Variants in SNX1 observed in about 807,000 individuals in gnomAD.
SNX1 encodes sorting nexin 1, also known as sorting nexin-1.
A neutral mutation model predicts 71.8 loss-of-function variants in SNX1; 36 were observed. That is an observed-to-expected ratio of 0.50 (90% CI 0.38 to 0.66). SNX1 has a LOEUF of 0.66. SNX1 is among the 30% of genes least tolerant of loss of function. The pLI, the probability that SNX1 is intolerant of heterozygous loss-of-function variation, is 0.00. For synonymous variants in SNX1, 254 were observed against 240.7 expected (o/e 1.06, Z -0.51); for missense variants, 612 against 646.7 (o/e 0.95, Z 0.58).
intron 7 of SNX1, 45 bp from the exon 8 acceptor site, chr15:64,127,686 C>A: frequency 6.8e-7 from 1 of 1,465,136 alleles, no homozygotes. Flanking sequence ...CCAGAACCTT[C>A]TGAGGCCAGC....
Position 64,134,908 on chromosome 15 carries a change from C to G in SNX1, c.1365+101C>G. 6.8e-7 allele frequency: 1 copy of G among 1,465,440 alleles called. No homozygotes were observed. The highest frequency in any genetic ancestry group is 9.2e-7 in the Non-Finnish European group (1 of 1,085,722). 90.8% of individuals were successfully genotyped at this position (1,465,440 alleles called of 1,614,324 possible). ...GTTTGGAACCCCACAGGGGGAAGAG[C>G]GCTGATTGAGTCTAAAGGGCCGTGG... On this transcript the variant is annotated intron_variant, in intron 12 of 14. Transcript: ENST00000559844. This position sits in a 1 kb window ranked among gnomAD's most constrained non-coding sequence, Gnocchi z 4.1.
At chr15:64,103,352 C>T (rs1396938090) in intron 1 of SNX1, among the ~76,000 whole-genome samples, 1 of 152,144 alleles carries the variant, frequency 6.6e-6, no homozygotes, top group Admixed American at 6.5e-5. Flanking sequence ...TCTCCATATC[C>T]TTGCCAGCAT....
chr15:64,137,643 C>T lies in SNX1; in HGVS notation c.*25C>T. On this transcript the variant is annotated 3_prime_UTR_variant, in exon 15 of 15. Coordinates refer to ENST00000559844, the MANE Select transcript of SNX1 (RefSeq NM_003099.5). The stretch of plus-strand genomic sequence containing the variant: ...ATGGACCAAGGACCCCAGAGCCCAC[C>T]TGTGTGACGCTGCCTTTTTATACAC... 6.2e-7 allele frequency: 1 copy of T among 1,614,120 alleles called. No homozygotes were observed. Among genetic ancestry groups the T allele is most frequent in the Non-Finnish European group, 8.5e-7 (1 of 1,179,990 alleles).
rs1166738154 is a variant in SNX1, at chr15:64,125,772, A to AT, written c.511-298dup. 5.9e-5 allele frequency among the ~76,000 whole-genome samples: 9 copies of AT among 151,882 alleles called. No homozygotes were observed. In the East Asian group the frequency reaches 7.7e-4, roughly 13 times the overall value. On this transcript the variant is annotated intron_variant, in intron 5 of 14. Transcript: ENST00000559844. ...AACCTGGGAATGAAACTGTATTTGA[A>AT]TTTTTTTTTCTCAAGGGTCACCATG...
intron 2 of SNX1, chr15:64,115,689 G>T: frequency 4.3e-6 from 1 of 234,280 alleles, no homozygotes; most frequent in Non-Finnish European, 8.8e-6. Flanking sequence ...TCAACCTTCT[G>T]AGTAGCTAGG....
At chr15:64,128,551 T>C (rs981888190) in intron 8 of SNX1, among the ~76,000 whole-genome samples, 3 of 152,218 alleles carry the variant, frequency 2.0e-5, no homozygotes, top group African/African-American at 7.2e-5. Flanking sequence ...AATTTTTCTT[T>C]CATTTGTATG....
chr15:64,125,520 C>G (rs2081241853), intron 5 of SNX1, among the ~76,000 whole-genome samples: 1 of 150,600 alleles, frequency 6.6e-6, no homozygotes, highest in African/African-American at 2.4e-5. Flanking sequence ...TAGCGTGTGC[C>G]TGTATTCCTA....
At chr15:64,124,528 G>T (rs1319302190) in intron 5 of SNX1, among the ~76,000 whole-genome samples, 1 of 148,354 alleles carries the variant, frequency 6.7e-6, no homozygotes, top group Admixed American at 6.7e-5. Flanking sequence ...AAAAAAAATA[G>T]TATCATGCTG....
chr15:64,126,112 G>T lies in SNX1; in HGVS notation c.544G>T (p.Ala182Ser). 1 of 1,614,100 alleles carries T rather than the reference G, an allele frequency of 6.2e-7. No individual in the cohort carries two copies. Among genetic ancestry groups the T allele is most frequent in the Middle Eastern group, 1.6e-4 (1 of 6,062 alleles). ...ACCATTGTTCAGAAGCAAACAGTTTGCAGTAAAAAGAAGATTTAGTGACTT... is the reference window on the plus strand; with the variant it reads ...ACCATTGTTCAGAAGCAAACAGTTTTCAGTAAAAAGAAGATTTAGTGACTT... ...SLPLFRSKQF[A>S]VKRRFSDFLG... The change falls in exon 6 of 15, where the codon GCA (alanine) becomes TCA (serine). Residue 182 changes from alanine (A) to serine (S), a missense_variant. Ala to Ser is a moderately conservative substitution (Grantham distance 99). This residue lies in a region of SNX1 where 316 missense variants were observed against 284.9 expected (regional missense o/e 1.11). Transcript: ENST00000559844.
chr15:64,138,322 T>A lies in SNX1; in HGVS notation c.*704T>A. The stretch of plus-strand genomic sequence containing the variant: ...GCAAAGGAGGCAGAGACTTTCTCTC[T>A]CTCTTTTTTTTTTTTTTTTGGTGTC... On this transcript the variant is annotated 3_prime_UTR_variant, in exon 15 of 15. Coordinates refer to ENST00000559844, the MANE Select transcript of SNX1 (RefSeq NM_003099.5). 1.4e-5 allele frequency: 10 copies of A among 730,744 alleles called. No homozygotes were observed. The highest frequency in any genetic ancestry group is 4.6e-5 in the Admixed American group (1 of 21,806). The allele number at this position is 730,744 out of a possible 1,614,324, so 45.3% of individuals were successfully genotyped here.
chr15:64,106,061 A>G lies in SNX1; in HGVS notation c.160-6512A>G, dbSNP rs1477561608. ...ATTAAAATGATTTTACATTAATAACATACTTAAATAGAGATGAGCATAAAT... is the reference window on the plus strand; with the variant it reads ...ATTAAAATGATTTTACATTAATAACGTACTTAAATAGAGATGAGCATAAAT... On this transcript the variant is annotated intron_variant, in intron 1 of 14. Coordinates refer to ENST00000559844, the MANE Select transcript of SNX1 (RefSeq NM_003099.5). Among the ~76,000 whole-genome samples, 5 of 152,210 alleles carry G rather than the reference A, an allele frequency of 3.3e-5. 1 individual carries two copies. Among genetic ancestry groups the G allele is most frequent in the Admixed American group, 3.3e-4 (5 of 15,290 alleles).
In SNX1 at chr15:64,142,050, G is replaced by A. The variant is rs1295143042; in HGVS notation, c.*4432G>A. 1 of 152,622 alleles carries A rather than the reference G, an allele frequency of 6.6e-6. No homozygotes were observed. Among genetic ancestry groups the A allele is most frequent in the Admixed American group, 6.5e-5 (1 of 15,294 alleles). The allele number at this position is 152,622 out of a possible 1,614,324, so 9.5% of individuals were successfully genotyped here. A position where few individuals can be genotyped will look rare whatever the true frequency, so the allele number is the denominator to read the frequency against. On this transcript the variant is annotated 3_prime_UTR_variant, in exon 15 of 15. Transcript: ENST00000559844. ...GAGTGCTGAAGGTGTTTTAAGAAGC[G>A]GCTCTGGGCCAGGCACAGTGGCTTA...
At chr15:64,132,646 G>A (rs1370882433) in intron 11 of SNX1, among the ~76,000 whole-genome samples, 1 of 152,212 alleles carries the variant, frequency 6.6e-6, no homozygotes, top group African/African-American at 2.4e-5. Flanking sequence ...AAGGGCCTAA[G>A]TCTGTCCTTG....
At chr15:64,117,832 T>C (rs2081146940) in intron 2 of SNX1, among the ~76,000 whole-genome samples, 1 of 152,182 alleles carries the variant, frequency 6.6e-6, no homozygotes, top group African/African-American at 2.4e-5. Context: ...GGCTGTGTTG[T>C]CTTTTTGCTT....
In SNX1 at chr15:64,140,700, C is replaced by G. The variant is rs1667903102; in HGVS notation, c.*3082C>G. On this transcript the variant is annotated 3_prime_UTR_variant, in exon 15 of 15. Transcript: ENST00000559844. ...CCAGGTTCAAGCAATTCTCCTGCCT[C>G]AGCCTTCCAAGTAGCTGGGATTACA... The G allele has an allele frequency of 6.6e-6, 1 of 152,230 alleles. No homozygotes were observed. Among genetic ancestry groups the G allele is most frequent in the South Asian group, 2.1e-4 (1 of 4,832 alleles). The allele number at this position is 152,230 out of a possible 1,614,324, so 9.4% of individuals were successfully genotyped here. A position where few individuals can be genotyped will look rare whatever the true frequency, so the allele number is the denominator to read the frequency against.
At chr15:64,117,393 A>C (rs751075276) in intron 2 of SNX1, among the ~76,000 whole-genome samples, 4 of 152,002 alleles carry the variant, frequency 2.6e-5, no homozygotes, top group Non-Finnish European at 5.9e-5. Flanking sequence ...AGCTAGGACT[A>C]CAGGCTCAGG....
rs984485982 is a variant in SNX1 at position 64,139,946 on chromosome 15, A to C, written c.*2328A>C. ...TGAGGGTTTTGCATTCTGGGTGGGAATATCACAGAAGCAGTGTGTCGTCAG... is the reference window on the plus strand; with the variant it reads ...TGAGGGTTTTGCATTCTGGGTGGGACTATCACAGAAGCAGTGTGTCGTCAG... On this transcript the variant is annotated 3_prime_UTR_variant, in exon 15 of 15. Coordinates refer to ENST00000559844, the MANE Select transcript of SNX1 (RefSeq NM_003099.5). 13 of 152,178 alleles carry C rather than the reference A, an allele frequency of 8.5e-5. No individual in the cohort carries two copies. Among genetic ancestry groups the C allele is most frequent in the Non-Finnish European group, 1.8e-4 (12 of 68,034 alleles). 9.4% of individuals were successfully genotyped at this position (152,178 alleles called of 1,614,324 possible).
Position 64,127,257 on chromosome 15 carries a change from GTGCCA to G in SNX1, c.731+9_731+13del. Reference sequence around the variant, plus strand: ...ACGGAGGGCCGCTTTAGAAAGGTAAGTGCCATGCAGCCATTTTCCTGAATAATGTG... The same window carrying G: ...ACGGAGGGCCGCTTTAGAAAGGTAAGTGCAGCCATTTTCCTGAATAATGTG... On this transcript the variant is annotated splice_donor_region_variant and intron_variant, in intron 7 of 14. Coordinates refer to ENST00000559844, the MANE Select transcript of SNX1 (RefSeq NM_003099.5). The G allele has an allele frequency of 6.2e-7, 1 of 1,607,566 alleles. No homozygotes were observed. Among genetic ancestry groups the G allele is most frequent in the Non-Finnish European group, 8.5e-7 (1 of 1,176,272 alleles).
At chr15:64,122,457 C>T (rs1371095311) in intron 4 of SNX1, among the ~76,000 whole-genome samples, 1 of 152,012 alleles carries the variant, frequency 6.6e-6, no homozygotes, top group Non-Finnish European at 1.5e-5. Flanking sequence ...GCCCTGTATT[C>T]CTGTGTAATC....
Sources: gnomAD v4.1 joint callset for allele counts (sites outside exome capture counted in the v4.1 genomes callset) on GRCh38, gnomAD v4.1.1 for gene constraint, gnomAD v4.1.1 regional missense constraint, Gnocchi (gnomAD v3.1) non-coding constraint, MANE v1.5 for transcripts, NCBI Gene and HGNC (gene_info 2026-07-23, HGNC 2026-07-21) for gene names.